The following MCF2L2 variants were observed in gnomAD, a reference collection of about 807,000 sequenced individuals.
The protein encoded by MCF2L2 is MCF.2 cell line derived transforming sequence-like 2.
Under a neutral mutation model 150.2 loss-of-function variants are expected in MCF2L2, and 102 were observed. That is an observed-to-expected ratio of 0.68 (90% CI 0.58 to 0.80). The LOEUF is 0.80. Among genes scored for constraint, MCF2L2 ranks in the 30% least tolerant of loss-of-function variants. MCF2L2 has a pLI of 0.00. For missense variants in MCF2L2, 1,256 were observed against 1,372.8 expected (o/e 0.91, Z 1.34); for synonymous variants, 465 against 491.3 (o/e 0.95, Z 0.71).
At chr3:183,221,365 A>C (rs1242142839) in intron 20 of MCF2L2, among the ~76,000 whole-genome samples, 2 of 152,206 alleles carry the variant, frequency 1.3e-5, no homozygotes, top group Non-Finnish European at 2.9e-5. Context: ...CCAGGAAAGT[A>C]CTATTATTAT....
chr3:183,414,891 C>A (rs995557582), intron 1 of MCF2L2, among the ~76,000 whole-genome samples: 2 of 152,016 alleles, frequency 1.3e-5, no homozygotes, highest in Non-Finnish European at 2.9e-5. Flanking sequence ...TAATTTTATT[C>A]CATTTTGATT....
chr3:183,275,874 C>T (rs1301815625), intron 15 of MCF2L2, among the ~76,000 whole-genome samples: 1 of 152,172 alleles, frequency 6.6e-6, no homozygotes, highest in African/African-American at 2.4e-5. Flanking sequence ...CCTCAGCCTC[C>T]CAAAGTGTTG....
At chr3:183,335,852 C>A (rs4859168) in intron 5 of MCF2L2, among the ~76,000 whole-genome samples, 19 of 151,848 alleles carry the variant, frequency 1.3e-4, no homozygotes, top group African/African-American at 4.4e-4. Flanking sequence ...CAGAGAGAGA[C>A]CCCATCTCTA....
At chr3:183,340,122 A>C (rs909287308) in intron 4 of MCF2L2, among the ~76,000 whole-genome samples, 4 of 152,186 alleles carry the variant, frequency 2.6e-5, no homozygotes, top group Non-Finnish European at 5.9e-5. Context: ...CGGCAATGGG[A>C]GGACTCTCTT....
intron 1 of MCF2L2, among the ~76,000 whole-genome samples, chr3:183,416,214 AAT>A (rs1410288161): frequency 6.6e-6 from 1 of 151,822 alleles, no homozygotes; most frequent in Non-Finnish European, 1.5e-5. Context: ...TAAACCCAAC[AAT>A]ATGTTGTTAT....
At chr3:183,200,134 T>C (rs1293411380) in intron 25 of MCF2L2, among the ~76,000 whole-genome samples, 1 of 152,226 alleles carries the variant, frequency 6.6e-6, no homozygotes, top group Non-Finnish European at 1.5e-5. Context: ...CCTTTGGGTA[T>C]ATACCCAGTA....
At chr3:183,279,611 T>C (rs1052667790) in intron 14 of MCF2L2, among the ~76,000 whole-genome samples, 4 of 152,232 alleles carry the variant, frequency 2.6e-5, no homozygotes, top group Non-Finnish European at 5.9e-5. Flanking sequence ...ATGTCATTCA[T>C]GGCCTGCCCT....
chr3:183,190,503 G>A (rs1721846430), intron 27 of MCF2L2, among the ~76,000 whole-genome samples: 1 of 152,238 alleles, frequency 6.6e-6, no homozygotes, highest in African/African-American at 2.4e-5. Context: ...CTAGGGCAGG[G>A]AAGAAGCCAG....
intron 1 of MCF2L2, among the ~76,000 whole-genome samples, chr3:183,424,111 G>A (rs1472749719): frequency 6.6e-6 from 1 of 152,148 alleles, no homozygotes; most frequent in African/African-American, 2.4e-5. Flanking sequence ...CAACCGAAAA[G>A]GGATAGGATG....
rs1726637774 is a variant in MCF2L2 at position 183,270,332 on chromosome 3, G to C, written c.1862+6540C>G. ...TGAAATTACTTATGCAGTTCAGTTG[G>C]GCAAATACCTATTGTCCACATGCCA... On this transcript the variant is annotated intron_variant, in intron 15 of 29. Transcript: ENST00000328913. This position sits in a 1 kb window ranked among gnomAD's most constrained non-coding sequence, Gnocchi z 4.5. 1 of 1,613,890 alleles carries C rather than the reference G, an allele frequency of 6.2e-7. No individual in the cohort carries two copies. Among genetic ancestry groups the C allele is most frequent in the Non-Finnish European group, 8.5e-7 (1 of 1,179,992 alleles).
intron 14 of MCF2L2, among the ~76,000 whole-genome samples, chr3:183,280,961 T>G (rs1727439994): frequency 6.6e-6 from 1 of 151,980 alleles, no homozygotes; most frequent in Non-Finnish European, 1.5e-5. Context: ...ACAGGAGCTA[T>G]TAGGCCCAAT....
intron 7 of MCF2L2, among the ~76,000 whole-genome samples, chr3:183,315,227 G>A (rs773782244): frequency 4.9e-4 from 74 of 151,902 alleles, no homozygotes; most frequent in Non-Finnish European, 9.9e-4. Flanking sequence ...ACAGGATTGA[G>A]CCACTGTGCC....
At chr3:183,231,986 C>G (rs1723578706) in intron 15 of MCF2L2, among the ~76,000 whole-genome samples, 1 of 152,156 alleles carries the variant, frequency 6.6e-6, no homozygotes, top group Admixed American at 6.5e-5. Flanking sequence ...CAATCAAACA[C>G]TAATTTAGGG....
chr3:183,278,896 A>G (rs1427726333), intron 14 of MCF2L2, among the ~76,000 whole-genome samples: 4 of 152,210 alleles, frequency 2.6e-5, no homozygotes, highest in Non-Finnish European at 2.9e-5. Context: ...AGGAGCTTGC[A>G]GAAATGCCTT....
At chr3:183,336,053 C>G (rs935822431) in intron 5 of MCF2L2, among the ~76,000 whole-genome samples, 4 of 152,154 alleles carry the variant, frequency 2.6e-5, no homozygotes, top group Admixed American at 6.5e-5. Flanking sequence ...TTGTGGACTT[C>G]CCAACCTCCA....
rs780613636 is a variant in MCF2L2 at position 183,341,650 on chromosome 3, G to C, written c.276-20C>G. ...TCCACACTGCAAAGAAGGGTGGTCA[G>C]TGTCAGAGATTAGGTGAGACCCATA... On this transcript the variant is annotated intron_variant, in intron 3 of 29. Coordinates refer to ENST00000328913, the MANE Select transcript of MCF2L2 (RefSeq NM_015078.4). The C allele has an allele frequency of 6.4e-7, 1 of 1,573,934 alleles. No homozygotes were observed.
intron 13 of MCF2L2, among the ~76,000 whole-genome samples, chr3:183,292,594 C>T (rs1360147284): frequency 6.6e-6 from 1 of 151,752 alleles, no homozygotes; most frequent in Non-Finnish European, 1.5e-5. Flanking sequence ...CACACATGCA[C>T]ACACACACGT....
At chr3:183,385,290 G>A (rs1004138356) in intron 2 of MCF2L2, among the ~76,000 whole-genome samples, 1 of 152,152 alleles carries the variant, frequency 6.6e-6, no homozygotes, top group Non-Finnish European at 1.5e-5. Context: ...TCCTGCTCTA[G>A]ATGTCGCCCC....
chr3:183,267,848 T>C lies in MCF2L2; in HGVS notation c.1862+9024A>G, dbSNP rs1726311164. On this transcript the variant is annotated intron_variant, in intron 15 of 29. Coordinates refer to ENST00000328913, the MANE Select transcript of MCF2L2 (RefSeq NM_015078.4). The surrounding 1 kb of genome is among the most constrained non-coding windows in gnomAD (Gnocchi z 5.5). ...TGGCTAGGGTCCTGACCTCCAATCC[T>C]TCCCCAGTAACCATCACTTTGAGTA... Among the ~76,000 whole-genome samples the C allele has an allele frequency of 6.6e-6, 1 of 152,128 alleles. No individual in the cohort carries two copies. The highest frequency in any genetic ancestry group is 2.1e-4 in the South Asian group (1 of 4,834).
Sources: gnomAD v4.1 joint callset for allele counts (sites outside exome capture counted in the v4.1 genomes callset) on GRCh38, gnomAD v4.1.1 for gene constraint, Gnocchi (gnomAD v3.1) non-coding constraint, MANE v1.5 for transcripts, NCBI Gene and HGNC (gene_info 2026-07-23, HGNC 2026-07-21) for gene names.